Variants in SRBD1 observed in about 807,000 individuals in gnomAD.
SRBD1 encodes S1 RNA binding domain 1.
Under a neutral mutation model 115.3 loss-of-function variants are expected in SRBD1, and 88 were observed. That is an observed-to-expected ratio of 0.76 (90% CI 0.64 to 0.91). SRBD1 has a LOEUF of 0.91. SRBD1 is among the 40% of genes least tolerant of loss of function. The pLI is 0.00. For synonymous variants in SRBD1, 509 were observed against 407.7 expected, an observed-to-expected ratio of 1.25 and a Z score of -2.99; for missense variants, 1,385 against 1,177.4, an observed-to-expected ratio of 1.18 and a Z score of -2.58.
chr2:45,463,026 G>C (rs1042905696), intron 16 of SRBD1, among the ~76,000 whole-genome samples: 1 of 137,608 alleles, frequency 7.3e-6, no homozygotes, highest in Admixed American at 7.2e-5. Context: ...CCGGGGGGGG[G>C]GGGGGAAATC....
intron 14 of SRBD1, among the ~76,000 whole-genome samples, chr2:45,503,181 C>G (rs1056724546): frequency 4.0e-5 from 6 of 151,632 alleles, no homozygotes; most frequent in African/African-American, 1.5e-4. Flanking sequence ...CCTATCATAA[C>G]TGGCATCCTA....
chr2:45,601,772 C>T (rs1047122860), intron 3 of SRBD1, 131 bp downstream of exon 3: 1 of 1,212,588 alleles, frequency 8.2e-7, no homozygotes, highest in Non-Finnish European at 1.1e-6. Context: ...AAATTAAGAC[C>T]CAGGGTAGGG....
intron 14 of SRBD1, among the ~76,000 whole-genome samples, chr2:45,493,416 G>C (rs1670358198): frequency 1.3e-5 from 2 of 152,184 alleles, no homozygotes; most frequent in Admixed American, 6.5e-5. Flanking sequence ...AAAGGGTAGA[G>C]CTTACTTCTA....
intron 19 of SRBD1, among the ~76,000 whole-genome samples, chr2:45,402,637 T>C (rs752444501): frequency 6.6e-6 from 1 of 152,212 alleles, no homozygotes; most frequent in Non-Finnish European, 1.5e-5. Context: ...TAGCTAATGC[T>C]TTATCAAAAT....
intron 17 of SRBD1, 32 bp from the exon 18 acceptor site, chr2:45,418,573 AG>A (rs1450175173): frequency 8.2e-6 from 13 of 1,581,184 alleles, no homozygotes; most frequent in Non-Finnish European, 1.1e-5. Context: ...ACTGAAAAAA[AG>A]ATCTCATCTG....
intron 8 of SRBD1, 94 bp downstream of exon 8, chr2:45,574,532 CA>C (rs1230786517): frequency 4.2e-6 from 5 of 1,192,474 alleles, no homozygotes; most frequent in Admixed American, 5.2e-5. Context: ...AGTCTGAAAA[CA>C]AAGTTTTTAA....
rs182468459 is a variant in SRBD1 at position 45,464,760 on chromosome 2, T to C, written c.2049+12233A>G. 2.0e-5 allele frequency among the ~76,000 whole-genome samples: 3 copies of C among 152,200 alleles called. No individual in the cohort carries two copies. The East Asian group carries it at 5.8e-4, about 29-fold the overall frequency. ...TGGATCAGTGTTCCAGATCACAGAA[T>C]GTGTAAATGAGACAGAATATTTTCA... On this transcript the variant is annotated intron_variant, in intron 16 of 20. Transcript: ENST00000263736.
At chr2:45,455,692 T>C (rs1669130804) in intron 16 of SRBD1, among the ~76,000 whole-genome samples, 1 of 151,832 alleles carries the variant, frequency 6.6e-6, no homozygotes, top group Admixed American at 6.6e-5. Context: ...GCAATGTATG[T>C]AGTTAGTTAA....
At chr2:45,560,279 A>C (rs1027374165) in intron 10 of SRBD1, among the ~76,000 whole-genome samples, 2 of 152,232 alleles carry the variant, frequency 1.3e-5, no homozygotes, top group African/African-American at 2.4e-5. Context: ...ACATTTACTT[A>C]GTCTAAAGAT....
chr2:45,475,095 T>C (rs1200509683), intron 16 of SRBD1, among the ~76,000 whole-genome samples: 4 of 152,174 alleles, frequency 2.6e-5, no homozygotes, highest in Non-Finnish European at 2.9e-5. Context: ...GGATTTCTTA[T>C]AGGCATCTCA....
chr2:45,547,988 C>G lies in SRBD1; in HGVS notation c.1676-376G>C, dbSNP rs182894557. Among the ~76,000 whole-genome samples the G allele has an allele frequency of 1.1e-3, 166 of 152,066 alleles. 1 individual carries two copies. Among genetic ancestry groups the G allele is most frequent in the Admixed American group, 2.0e-3 (30 of 15,286 alleles). The stretch of plus-strand genomic sequence containing the variant: ...TTTTTTTCTGGTTGTAGATACATGA[C>G]TTTATTTACCTTGTGCATATTTAAG... On this transcript the variant is annotated intron_variant, in intron 12 of 20. Transcript: ENST00000263736.
chr2:45,570,963 G>C (rs746608661), intron 9 of SRBD1, among the ~76,000 whole-genome samples: 2 of 152,062 alleles, frequency 1.3e-5, no homozygotes, highest in South Asian at 4.1e-4. Flanking sequence ...GATAATACAG[G>C]AGCAACTAAC....
At chr2:45,538,394 G>T (rs921600683) in intron 14 of SRBD1, among the ~76,000 whole-genome samples, 1 of 152,110 alleles carries the variant, frequency 6.6e-6, no homozygotes, top group Non-Finnish European at 1.5e-5. Context: ...GGGAAAATAA[G>T]AATAACAAAG....
chr2:45,560,994 C>A (rs1672644461), intron 10 of SRBD1, among the ~76,000 whole-genome samples: 1 of 151,584 alleles, frequency 6.6e-6, no homozygotes, highest in Admixed American at 6.6e-5. Context: ...ATGGTCCCAG[C>A]TACACAGGAG....
At chr2:45,447,468 G>C (rs577159338) in intron 16 of SRBD1, 173 of 151,918 alleles carry the variant, frequency 1.1e-3, no homozygotes, top group African/African-American at 3.9e-3. Context: ...AAAAAGAAAA[G>C]GCATGTCACA....
intron 17 of SRBD1, among the ~76,000 whole-genome samples, chr2:45,419,356 G>A (rs1447494373): frequency 6.6e-6 from 1 of 152,130 alleles, no homozygotes; most frequent in South Asian, 2.1e-4. Context: ...AATTTTGACA[G>A]GTTTCTTGTG....
intron 9 of SRBD1, 27 bp downstream of exon 9, chr2:45,573,180 G>T: frequency 1.3e-6 from 2 of 1,559,334 alleles, no homozygotes; most frequent in Non-Finnish European, 8.6e-7. Context: ...TACGAAATCA[G>T]CATGCACATG....
intron 14 of SRBD1, among the ~76,000 whole-genome samples, chr2:45,527,667 CT>C (rs1304927335): frequency 4.6e-5 from 7 of 151,844 alleles, no homozygotes; most frequent in African/African-American, 1.2e-4. Flanking sequence ...TCAATTTAAT[CT>C]TCAAGAAAAC....
At chr2:45,422,549 C>T (rs977851142) in intron 16 of SRBD1, among the ~76,000 whole-genome samples, 2 of 152,080 alleles carry the variant, frequency 1.3e-5, no homozygotes, top group Non-Finnish European at 2.9e-5. Context: ...ATCGAATGAA[C>T]AATAGAATGA....
Sources: gnomAD v4.1 joint callset for allele counts (sites outside exome capture counted in the v4.1 genomes callset) on GRCh38, gnomAD v4.1.1 for gene constraint, MANE v1.5 for transcripts, NCBI Gene and HGNC (gene_info 2026-07-23, HGNC 2026-07-21) for gene names.